Variants in CCDC12 observed in about 807,000 individuals in gnomAD.
CCDC12 encodes coiled-coil domain-containing protein 12.
Under a neutral mutation model 25.7 loss-of-function variants are expected in CCDC12, and 28 were observed. The ratio of observed to expected loss-of-function variants is 1.09; its 90% CI spans 0.81 to 1.50. The LOEUF is 1.50. Ranked by LOEUF, CCDC12 falls within the 40% of genes most tolerant of loss-of-function variation. The pLI, the probability that CCDC12 is intolerant of heterozygous loss-of-function variation, is 0.00. For synonymous variants in CCDC12, 75 were observed against 87.7 expected, an observed-to-expected ratio of 0.86 and a Z score of 0.81; for missense variants, 198 against 210.0, an observed-to-expected ratio of 0.94 and a Z score of 0.35.
intron 1 of CCDC12, among the ~76,000 whole-genome samples, chr3:46,969,353 C>T (rs750422288): frequency 2.6e-5 from 4 of 152,140 alleles, no homozygotes; most frequent in Non-Finnish European, 5.9e-5. Context: ...CTCAGCCTCC[C>T]GAATAGCTGG....
At chr3:46,958,538 G>A (rs7632511) in intron 1 of CCDC12, among the ~76,000 whole-genome samples, 10,608 of 152,128 alleles carry the variant, frequency 0.07, 1,200 homozygotes, top group African/African-American at 0.23. Context: ...TCTGCATCTC[G>A]TTATTGGGCC....
At chr3:46,970,847 C>A (rs921602423) in intron 1 of CCDC12, among the ~76,000 whole-genome samples, 13 of 152,188 alleles carry the variant, frequency 8.5e-5, no homozygotes, top group African/African-American at 2.9e-4. Flanking sequence ...TTCATCCACA[C>A]AGCCTTGAAC....
At chr3:46,940,216 TTC>T (rs1250219591) in intron 2 of CCDC12, among the ~76,000 whole-genome samples, 1 of 152,128 alleles carries the variant, frequency 6.6e-6, no homozygotes, top group Non-Finnish European at 1.5e-5. Context: ...CGGCAACAGT[TTC>T]CAGGCTCCAG....
chr3:46,932,332 G>A (rs533692545), intron 2 of CCDC12, among the ~76,000 whole-genome samples: 11 of 152,336 alleles, frequency 7.2e-5, no homozygotes, highest in Admixed American at 3.3e-4. Flanking sequence ...GGCTATGAGG[G>A]CAAAGGACAA....
At chr3:46,963,295 G>C in intron 1 of CCDC12, among the ~76,000 whole-genome samples, 1 of 152,194 alleles carries the variant, frequency 6.6e-6, no homozygotes, top group East Asian at 1.9e-4. Context: ...TGTATAGTTT[G>C]TATGCTTAAT....
chr3:46,937,084 C>T (rs1208994585), intron 2 of CCDC12, among the ~76,000 whole-genome samples: 1 of 152,204 alleles, frequency 6.6e-6, no homozygotes, highest in Non-Finnish European at 1.5e-5. Flanking sequence ...AGGTTGGGCC[C>T]TTGGTCTCAG....
At chr3:46,976,969 AG>A (rs2035019581), upstream of CCDC12, 420 of 417,328 alleles carry the variant, frequency 1.0e-3, no homozygotes, top group Non-Finnish European at 1.2e-3. Context: ...AAAAAAAAAA[AG>A]AAAAAAAAAA....
At chr3:46,941,149 C>T in intron 1 of CCDC12, 84 bp from the exon 2 acceptor site, 1 of 1,359,384 alleles carries the variant, frequency 7.4e-7, no homozygotes, top group Non-Finnish European at 1.1e-6. Context: ...AAGAACAGGA[C>T]ATCTCAGAAG....
chr3:46,973,055 A>AT (rs889555025), intron 1 of CCDC12, among the ~76,000 whole-genome samples: 3 of 151,060 alleles, frequency 2.0e-5, no homozygotes, highest in Non-Finnish European at 2.9e-5. Flanking sequence ...CATCACCCGA[A>AT]TTTAAAAAAA....
At chr3:46,948,039 C>T (rs750041399) in intron 1 of CCDC12, among the ~76,000 whole-genome samples, 2 of 152,228 alleles carry the variant, frequency 1.3e-5, no homozygotes, top group Admixed American at 6.5e-5. Flanking sequence ...AGGCCCAGAA[C>T]GGTGTGCCTC....
rs1391741085 is a variant in CCDC12, at chr3:46,951,867, T to C, written c.97-10802A>G. ...AACAATGATCTATCTGCTATCTGAT[T>C]CCTTTAGGATTGTCAAGAGGCCCCA... On this transcript the variant is annotated intron_variant, in intron 1 of 6. Transcript: ENST00000683445. Among the ~76,000 whole-genome samples, 12 of 137,846 alleles carry C rather than the reference T, an allele frequency of 8.7e-5. 1 individual carries two copies. Among genetic ancestry groups the C allele is most frequent in the African/African-American group, 3.3e-4 (12 of 36,774 alleles). 90.4% of individuals were successfully genotyped at this position (137,846 alleles called of 152,430 possible). A position where few individuals can be genotyped will look rare whatever the true frequency, so the allele number is the denominator to read the frequency against.
chr3:46,945,862 G>A (rs893473794), intron 1 of CCDC12, among the ~76,000 whole-genome samples: 1 of 152,178 alleles, frequency 6.6e-6, no homozygotes, highest in Non-Finnish European at 1.5e-5. Context: ...TTGATAATTT[G>A]TGTCATTTTT....
chr3:46,965,977 G>C (rs1381798309), intron 1 of CCDC12: 3 of 152,292 alleles, frequency 2.0e-5, no homozygotes, highest in Non-Finnish European at 4.4e-5. Flanking sequence ...GATGTGAAGA[G>C]ACTTACCTAT....
chr3:46,948,774 G>A lies in CCDC12; in HGVS notation c.97-7709C>T, dbSNP rs1388524912. Among the ~76,000 whole-genome samples, 8 of 152,214 alleles carry A rather than the reference G, an allele frequency of 5.3e-5. No homozygotes were observed. In the South Asian group the frequency reaches 1.2e-3, roughly 24 times the overall value. On this transcript the variant is annotated intron_variant, in intron 1 of 6. Coordinates refer to ENST00000683445, the MANE Select transcript of CCDC12 (RefSeq NM_001277074.2). ...CAGCTCCTCGCCAGGCCCGTCACAC[G>A]GCCCTGCCCAGATATCCTCCATGTG...
At chr3:46,966,716 C>T (rs1254800968) in intron 1 of CCDC12, among the ~76,000 whole-genome samples, 1 of 152,000 alleles carries the variant, frequency 6.6e-6, no homozygotes, top group Non-Finnish European at 1.5e-5. Flanking sequence ...GGCTGGGGTC[C>T]AGTGAGGACT....
In CCDC12 at chr3:46,964,662, A is replaced by G. The variant is rs377219339; in HGVS notation, c.96+11975T>C. Among the ~76,000 whole-genome samples, 245 of 152,244 alleles carry G rather than the reference A, an allele frequency of 1.6e-3. 1 individual carries two copies. The highest frequency in any genetic ancestry group is 4.9e-3 in the African/African-American group (202 of 41,522). ...GATCTATGACCTTACCCCCAACCCC[A>G]TGCTCTCTGAAACGTGTGCTGTGTC... On this transcript the variant is annotated intron_variant, in intron 1 of 6. Transcript: ENST00000683445.
chr3:46,922,227 T>C lies in CCDC12; in HGVS notation c.418+9A>G, dbSNP rs1234769890. ...GGCAGGACCCCACCTTCCCAGGCAC[T>C]GCACTTACGGATCAGCTCGGCAATG... On this transcript the variant is annotated intron_variant, in intron 6 of 6. Coordinates refer to ENST00000683445, the MANE Select transcript of CCDC12 (RefSeq NM_001277074.2). 3.1e-6 allele frequency: 5 copies of C among 1,614,140 alleles called. No individual in the cohort carries two copies. The highest frequency in any genetic ancestry group is 3.3e-5 in the Admixed American group (2 of 60,014).
chr3:46,980,411 C>T (rs1453140705), upstream of CCDC12, among the ~76,000 whole-genome samples: 1 of 152,076 alleles, frequency 6.6e-6, no homozygotes, highest in Non-Finnish European at 1.5e-5. Context: ...AAGGGGAATG[C>T]TCCCACTTCA....
At chr3:46,975,766 C>T (rs2034958034) in intron 1 of CCDC12, among the ~76,000 whole-genome samples, 2 of 150,602 alleles carry the variant, frequency 1.3e-5, no homozygotes, top group African/African-American at 4.9e-5. Flanking sequence ...CTCCTAACCT[C>T]GTGATCCGCC....
Sources: gnomAD v4.1 joint callset for allele counts (sites outside exome capture counted in the v4.1 genomes callset) on GRCh38, gnomAD v4.1.1 for gene constraint, MANE v1.5 for transcripts, NCBI Gene and HGNC (gene_info 2026-07-23, HGNC 2026-07-21) for gene names.